RC3H2: variants seen among roughly 807,000 people sequenced by gnomAD.
RC3H2 encodes the protein ring finger and CCCH-type domains 2.
Under a neutral mutation model 133.3 loss-of-function variants are expected in RC3H2, and 31 were observed. The ratio of observed to expected loss-of-function variants is 0.23; its 90% CI spans 0.17 to 0.31. The LOEUF (loss-of-function observed/expected upper bound fraction) is 0.31, where lower values mean the gene tolerates loss of function less well. RC3H2 is among the 10% of genes least tolerant of loss of function. The pLI, the probability that RC3H2 is intolerant of heterozygous loss-of-function variation, is 1.00. For synonymous variants in RC3H2, 517 were observed against 502.2 expected (o/e 1.03, Z -0.40); for missense variants, 1,175 against 1,437.2 (o/e 0.82, Z 2.95).
At chr9:122,898,792 A>G (rs927376196) in intron 1 of RC3H2, among the ~76,000 whole-genome samples, 6 of 151,890 alleles carry the variant, frequency 4.0e-5, no homozygotes, top group Admixed American at 2.0e-4. Context: ...AAAGTAAAAG[A>G]TTTAGTAGCA....
intron 9 of RC3H2, among the ~76,000 whole-genome samples, chr9:122,867,868 C>T (rs1830785564): frequency 1.1e-5 from 1 of 91,566 alleles, no homozygotes; most frequent in Non-Finnish European, 2.3e-5. Context: ...CTCCGCCCGG[C>T]AGCCACCCCG....
intron 9 of RC3H2, among the ~76,000 whole-genome samples, chr9:122,868,893 GTGTT>G (rs1341799491): frequency 2.5e-4 from 3 of 12,120 alleles, no homozygotes; most frequent in African/African-American, 6.0e-4. Context: ...GTGTGTGTAT[GTGTT>G]TTTTTTTTTT....
intron 11 of RC3H2, 149 bp from the exon 12 acceptor site, chr9:122,859,251 G>GGTTTTTTT: frequency 3.3e-6 from 1 of 307,260 alleles, no homozygotes; most frequent in Non-Finnish European, 4.5e-6. Context: ...TTATACCCTG[G>GGTTTTTTT]CTTTTTTTTT....
Position 122,877,601 on chromosome 9 carries a change from C to A in RC3H2, c.1213-18G>T, listed in dbSNP as rs563070774. On this transcript the variant is annotated intron_variant, in intron 8 of 20. Transcript: ENST00000357244. ...GGCTGAGGCTACAAAAATGGGAACACATTCAATGAGTGGCAAGGTGAAGAT... is the reference window on the plus strand; with the variant it reads ...GGCTGAGGCTACAAAAATGGGAACAAATTCAATGAGTGGCAAGGTGAAGAT... The A allele has an allele frequency of 1.9e-6, 3 of 1,587,596 alleles. No homozygotes were observed. The highest frequency in any genetic ancestry group is 3.3e-5 in the Admixed American group (2 of 59,878).
chr9:122,859,864 A>C (rs1830390489), intron 11 of RC3H2, 53 bp downstream of exon 11: 1 of 1,367,032 alleles, frequency 7.3e-7, no homozygotes, highest in African/African-American at 1.4e-5. Context: ...TCATTCATTT[A>C]TCTAAAGGAA....
chr9:122,861,033 A>C (rs1421255676), intron 10 of RC3H2, among the ~76,000 whole-genome samples: 1 of 152,176 alleles, frequency 6.6e-6, no homozygotes, highest in African/African-American at 2.4e-5. Context: ...TGCAGTAGGT[A>C]CTCAGTAAAT....
rs1291892518 is a variant in RC3H2 at position 122,847,112 on chromosome 9, A to C, written c.*2515T>G. 6.6e-6 allele frequency: 1 copy of C among 152,166 alleles called. No individual in the cohort carries two copies. The highest frequency in any genetic ancestry group is 2.4e-5 in the African/African-American group (1 of 41,446). The allele number at this position is 152,166 out of a possible 1,614,324, so 9.4% of individuals were successfully genotyped here. On this transcript the variant is annotated 3_prime_UTR_variant, in exon 21 of 21. Coordinates refer to ENST00000357244, the MANE Select transcript of RC3H2 (RefSeq NM_001100588.3). ...GCATTATTTTAATATAAATGTTCTG[A>C]GACATACCAATAAGGTTGGCAGGTA...
chr9:122,895,430 A>G (rs1832378255), intron 2 of RC3H2, among the ~76,000 whole-genome samples: 1 of 152,052 alleles, frequency 6.6e-6, no homozygotes, highest in African/African-American at 2.4e-5. Flanking sequence ...AGCCTCCCAA[A>G]GTGCTGAGAT....
chr9:122,897,163 C>T (rs1832460255), intron 2 of RC3H2, 116 bp downstream of exon 2: 5 of 792,814 alleles, frequency 6.3e-6, no homozygotes, highest in Admixed American at 2.8e-5. Context: ...TGTGTTGGGC[C>T]GCATTCAAAG....
At chr9:122,875,503 C>T in intron 9 of RC3H2, 1 of 1,276,456 alleles carries the variant, frequency 7.8e-7, no homozygotes, top group Non-Finnish European at 1.0e-6. Context: ...AGTGGCACTG[C>T]TGAGTGGTTG....
Position 122,890,462 on chromosome 9 carries a change from C to A in RC3H2, c.433G>T (p.Glu145Ter). The A allele has an allele frequency of 6.2e-7, 1 of 1,614,194 alleles. No individual in the cohort carries two copies. Among genetic ancestry groups the A allele is most frequent in the Non-Finnish European group, 8.5e-7 (1 of 1,180,042 alleles). The change falls in exon 4 of 21, where the codon GAA becomes TAA. Residue 145 changes from glutamate (E) to a stop codon, truncating the protein, a stop_gained. Coordinates refer to ENST00000357244, the MANE Select transcript of RC3H2 (RefSeq NM_001100588.3). LOFTEE classifies it high-confidence loss of function. ...VTLVNCQLVE[E>*]EGRVRAMRAA... ...CGCATGGCTCTTACACGACCTTCTT[C>A]CTCCACCAGTTGACAGTTTACAAGT...
At chr9:122,857,141 G>A (rs1407513124) in intron 13 of RC3H2, among the ~76,000 whole-genome samples, 1 of 152,180 alleles carries the variant, frequency 6.6e-6, no homozygotes, top group Non-Finnish European at 1.5e-5. Flanking sequence ...TGGAACCTGG[G>A]TGTTGGGTAC....
At position 122,880,108 on chromosome 9, in the gene RC3H2, T is replaced by A. The variant is rs749543551; in HGVS notation, c.978A>T (p.Ser326=). The change falls in exon 7 of 21, where the codon TCA becomes TCT. Residue 326 remains serine, a synonymous_variant. Coordinates refer to ENST00000357244, the MANE Select transcript of RC3H2 (RefSeq NM_001100588.3). ...SIIDKLQSPE[S]FAKSVQELTI... ...TCAATTCCTGGACACTCTTTGCAAATGACTCTGGAGACTGTAGCTAACAAA... is the reference window on the plus strand; with the variant it reads ...TCAATTCCTGGACACTCTTTGCAAAAGACTCTGGAGACTGTAGCTAACAAA... 1.9e-6 allele frequency: 3 copies of A among 1,614,228 alleles called. No homozygotes were observed. Among genetic ancestry groups the A allele is most frequent in the South Asian group, 1.1e-5 (1 of 91,078 alleles).
At chr9:122,853,718 C>T in intron 18 of RC3H2, 2 of 1,141,258 alleles carry the variant, frequency 1.8e-6, no homozygotes, top group East Asian at 2.6e-5. Flanking sequence ...TGCCATTGCA[C>T]TCCAGGCGAT....
chr9:122,875,391 T>C (rs1380601738), intron 9 of RC3H2: 4 of 1,527,092 alleles, frequency 2.6e-6, no homozygotes, highest in African/African-American at 2.8e-5. Flanking sequence ...GACAAACATT[T>C]AATAAACAGA....
intron 20 of RC3H2, 23 bp from the exon 21 acceptor site, chr9:122,849,845 A>G: frequency 6.6e-7 from 1 of 1,525,934 alleles, no homozygotes; most frequent in Non-Finnish European, 8.8e-7. Flanking sequence ...AAATGACATT[A>G]AAAACAAATT....
chr9:122,901,466 C>T (rs1423414218), intron 1 of RC3H2, among the ~76,000 whole-genome samples: 1 of 151,942 alleles, frequency 6.6e-6, no homozygotes, highest in African/African-American at 2.4e-5. Flanking sequence ...TAAAAGACTG[C>T]TATAATATGT....
chr9:122,850,015 C>A (rs1169200707), intron 20 of RC3H2, among the ~76,000 whole-genome samples, 193 bp from the exon 21 acceptor site: 1 of 152,152 alleles, frequency 6.6e-6, no homozygotes, highest in East Asian at 1.9e-4. Context: ...CTCCCTCCGT[C>A]GCCCAGGCTG....
chr9:122,896,414 A>G (rs886206210), intron 2 of RC3H2, among the ~76,000 whole-genome samples: 1 of 152,182 alleles, frequency 6.6e-6, no homozygotes, highest in Non-Finnish European at 1.5e-5. Flanking sequence ...TTTTCATATC[A>G]CCTGGTGAAT....
Sources: allele counts gnomAD v4.1 joint callset (sites outside exome capture counted in the v4.1 genomes callset), GRCh38; gene constraint gnomAD v4.1.1; transcripts MANE v1.5; gene names NCBI Gene and HGNC (gene_info 2026-07-23, HGNC 2026-07-21).